Variants in VWF observed in about 807,000 individuals in gnomAD.
VWF encodes von Willebrand factor, also known as Factor VIII related antigen.
VWF carries 176 observed loss-of-function variants against 308.6 expected under a neutral mutation model. The observed-to-expected ratio is 0.57, with a 90% CI of 0.50 to 0.65. The LOEUF (loss-of-function observed/expected upper bound fraction) is 0.65. Ranked by LOEUF, VWF falls within the 30% of genes least tolerant of loss-of-function variation. The probability of loss-of-function intolerance (pLI) is 0.00; values close to 1 mark genes in which losing one functional copy is unlikely to be tolerated. For synonymous variants in VWF, 1,385 were observed against 1,443.4 expected, an observed-to-expected ratio of 0.96 and a Z score of 0.92; for missense variants, 3,146 against 3,648.2, an observed-to-expected ratio of 0.86 and a Z score of 3.55.
intron 3 of VWF, among the ~76,000 whole-genome samples, chr12:6,111,809 T>TTTTAG (rs1334329607): frequency 6.6e-6 from 1 of 151,372 alleles, no homozygotes; most frequent in Non-Finnish European, 1.5e-5. Flanking sequence ...AAAAAAAAAA[T>TTTTAG]TAGCCAGGCG....
intron 16 of VWF, among the ~76,000 whole-genome samples, chr12:6,047,386 T>A (rs1271777473): frequency 6.6e-6 from 1 of 152,046 alleles, no homozygotes; most frequent in Non-Finnish European, 1.5e-5. Context: ...AAACTCATGA[T>A]CCCCCGACCA....
chr12:5,969,017 T>C (rs1458052585), intron 45 of VWF, among the ~76,000 whole-genome samples, 194 bp downstream of exon 45: 3 of 152,198 alleles, frequency 2.0e-5, no homozygotes, highest in African/African-American at 7.2e-5. Flanking sequence ...TGCCATGTAG[T>C]GATCTTCAGG....
At chr12:6,081,627 G>A (rs772477946) in intron 6 of VWF, among the ~76,000 whole-genome samples, 2 of 151,980 alleles carry the variant, frequency 1.3e-5, no homozygotes, top group Non-Finnish European at 1.5e-5. Context: ...AGTGAGCCAC[G>A]GCACCTGGCC....
chr12:5,961,382 T>C (rs1225806940), intron 47 of VWF, among the ~76,000 whole-genome samples: 1 of 152,124 alleles, frequency 6.6e-6, no homozygotes, highest in African/African-American at 2.4e-5. Flanking sequence ...CACAACTATA[T>C]CATACTTAAT....
chr12:5,957,914 C>T (rs1943268420), intron 47 of VWF, among the ~76,000 whole-genome samples: 1 of 151,978 alleles, frequency 6.6e-6, no homozygotes, highest in Non-Finnish European at 1.5e-5. Context: ...ATAGCAATAC[C>T]TTGTGGAATT....
Position 5,973,487 on chromosome 12 carries a change from C to T in VWF, c.7438-1778G>A, listed in dbSNP as rs866139649. ...GCCAAGCTCTGGTCACTTGTCCCCT[C>T]TGAGGCAATCTGAGGAGCACAGTTT... On this transcript the variant is annotated intron_variant, in intron 43 of 51. Coordinates refer to ENST00000261405, the MANE Select transcript of VWF (RefSeq NM_000552.5). 3.9e-5 allele frequency among the ~76,000 whole-genome samples: 6 copies of T among 152,336 alleles called. No homozygotes were observed. The South Asian group carries it at 1.2e-3, about 32-fold the overall frequency.
intron 21 of VWF, among the ~76,000 whole-genome samples, chr12:6,030,277 C>T (rs1944245429): frequency 6.6e-6 from 1 of 152,230 alleles, no homozygotes; most frequent in South Asian, 2.1e-4. Flanking sequence ...TCATCACCGC[C>T]ACTCTGCCCT....
chr12:6,031,411 G>A (rs371521868), intron 21 of VWF, 33 bp downstream of exon 21: 36 of 1,613,940 alleles, frequency 2.2e-5, no homozygotes, highest in Middle Eastern at 1.6e-4. Context: ...AGCACAAAGC[G>A]GGACATGAGG....
intron 41 of VWF, 83 bp from the exon 42 acceptor site, chr12:5,982,074 G>A (rs111459855): frequency 3.7e-6 from 5 of 1,340,270 alleles, no homozygotes; most frequent in African/African-American, 2.9e-5. Flanking sequence ...GTGCCAGGGA[G>A]CTTTAGACTC....
In VWF at chr12:6,057,916, CT is replaced by C; in HGVS notation, c.1661del (p.Lys554SerfsTer23). On this transcript the variant is annotated frameshift_variant, in exon 14 of 52. Coordinates refer to ENST00000261405, the MANE Select transcript of VWF (RefSeq NM_000552.5). LOFTEE classifies it high-confidence loss of function. ...GCAGGTCCTGGCAGTCCCCGTGCAGCTTCCAGGCGTTCCCGAAGTCCTCCAC... is the reference window on the plus strand; with the variant it reads ...GCAGGTCCTGGCAGTCCCCGTGCAGCTCCAGGCGTTCCCGAAGTCCTCCAC... The part of the protein sequence containing the change: ...PRVEDFGNAW[K>X]LHGDCQDLQK... The C allele has an allele frequency of 6.2e-7, 1 of 1,613,558 alleles. No homozygotes were observed. The highest frequency in any genetic ancestry group is 1.3e-5 in the African/African-American group (1 of 75,048).
At position 6,046,825 on chromosome 12, in the gene VWF, G is replaced by A. The variant is rs762877255; in HGVS notation, c.2187-8C>T. The stretch of plus-strand genomic sequence containing the variant: ...AAGCCATCCTCACAGTAGCTGCAGA[G>A]AAGAAAATCATAGCCGAGCTTCACG... On this transcript the variant is annotated splice_region_variant and splice_polypyrimidine_tract_variant and intron_variant, in intron 16 of 51. Transcript: ENST00000261405. This position sits in a 1 kb window ranked among gnomAD's most constrained non-coding sequence, Gnocchi z 5.0. 3.1e-6 allele frequency: 5 copies of A among 1,613,604 alleles called. No individual in the cohort carries two copies. Among genetic ancestry groups the A allele is most frequent in the East Asian group, 2.2e-5 (1 of 44,896 alleles).
chr12:6,092,673 G>GTGTGTGTGTGTGTGTGTGTGTGTGTA lies in VWF; in HGVS notation c.657+2786_657+2787insTACACACACACACACACACACACACA, dbSNP rs1356836169. On this transcript the variant is annotated intron_variant, in intron 6 of 51. Coordinates refer to ENST00000261405, the MANE Select transcript of VWF (RefSeq NM_000552.5). ...TGTGTGTGTGTGTGTGTGTGTGTGT[G>GTGTGTGTGTGTGTGTGTGTGTGTGTA]CTGACCAGCATTCCTTCCTGGTAAG... 2.1e-4 allele frequency among the ~76,000 whole-genome samples: 26 copies of GTGTGTGTGTGTGTGTGTGTGTGTGTA among 123,762 alleles called. 2 individuals are homozygous for GTGTGTGTGTGTGTGTGTGTGTGTGTA. The highest frequency in any genetic ancestry group is 5.0e-4 in the African/African-American group (13 of 25,978). 81.2% of individuals were successfully genotyped at this position (123,762 alleles called of 152,430 possible).
chr12:6,107,251 G>C (rs1945254356), intron 5 of VWF, among the ~76,000 whole-genome samples: 1 of 152,216 alleles, frequency 6.6e-6, no homozygotes, highest in Admixed American at 6.5e-5. Flanking sequence ...GTGGCCACCA[G>C]GAGCTAGGAG....
At chr12:6,081,546 G>T (rs1944910311) in intron 6 of VWF, among the ~76,000 whole-genome samples, 1 of 152,062 alleles carries the variant, frequency 6.6e-6, no homozygotes, top group Non-Finnish European at 1.5e-5. Context: ...CACCATGTTG[G>T]CCAGGATGGC....
intron 38 of VWF, among the ~76,000 whole-genome samples, chr12:5,986,219 G>A (rs1943678907): frequency 6.6e-6 from 1 of 152,132 alleles, no homozygotes; most frequent in Non-Finnish European, 1.5e-5. Context: ...ACAGCACAAG[G>A]CTTTGAAGTC....
Position 6,124,444 on chromosome 12 carries a change from G to A in VWF, c.-24C>T, listed in dbSNP as rs1292477179. The A allele has an allele frequency of 2.0e-5, 3 of 152,544 alleles. No homozygotes were observed. The highest frequency in any genetic ancestry group is 1.3e-4 in the Admixed American group (2 of 15,270). The allele number at this position is 152,544 out of a possible 1,614,324, so 9.4% of individuals were successfully genotyped here. On this transcript the variant is annotated 5_prime_UTR_variant, in exon 1 of 52. Coordinates refer to ENST00000261405, the MANE Select transcript of VWF (RefSeq NM_000552.5). ...ACCTTCCCCTGCAAATGAGGGCTGC[G>A]GCTATCTCCAAGGTCCCTGGGAAAC...
In VWF at chr12:6,074,097, C is replaced by T. The variant is rs551151378; in HGVS notation, c.875-356G>A. ...CCTCTAGGCTCAAAACAAGTGGAGT[C>T]CTACGACAAAGCAAGGAGCCATGGT... On this transcript the variant is annotated intron_variant, in intron 7 of 51. Transcript: ENST00000261405. Among the ~76,000 whole-genome samples the T allele has an allele frequency of 3.3e-3, 498 of 152,204 alleles. 2 individuals carry two copies. Among genetic ancestry groups the T allele is most frequent in the Non-Finnish European group, 5.7e-3 (390 of 67,996 alleles).
At chr12:6,052,475 T>G in intron 16 of VWF, 68 bp downstream of exon 16, 1 of 1,612,246 alleles carries the variant, frequency 6.2e-7, no homozygotes. Flanking sequence ...AGTAAAGGAC[T>G]TGGGGGTCCC....
At chr12:6,001,734 A>G (rs1943875494) in intron 34 of VWF, among the ~76,000 whole-genome samples, 1 of 152,198 alleles carries the variant, frequency 6.6e-6, no homozygotes, top group African/African-American at 2.4e-5. Flanking sequence ...TAAAATCAAA[A>G]TATGTAGTTC....
Sources: allele counts gnomAD v4.1 joint callset (sites outside exome capture counted in the v4.1 genomes callset), GRCh38; gene constraint gnomAD v4.1.1; non-coding constraint Gnocchi (gnomAD v3.1); transcripts MANE v1.5; gene names NCBI Gene and HGNC (gene_info 2026-07-23, HGNC 2026-07-21).